DDX24: variants seen among roughly 807,000 people sequenced by gnomAD.
DDX24 encodes the protein ATP-dependent RNA helicase DDX24.
A neutral mutation model predicts 68.9 loss-of-function variants in DDX24; 24 were observed. The observed-to-expected ratio is 0.35, with a 90% CI of 0.25 to 0.49. The LOEUF (loss-of-function observed/expected upper bound fraction) is 0.49. Ranked by LOEUF, DDX24 falls within the 20% of genes least tolerant of loss-of-function variation. DDX24 has a pLI of 0.99. For missense variants in DDX24, 989 were observed against 1,039.0 expected, an observed-to-expected ratio of 0.95 and a Z score of 0.66; for synonymous variants, 395 against 385.2, an observed-to-expected ratio of 1.03 and a Z score of -0.30.
intron 2 of DDX24, among the ~76,000 whole-genome samples, chr14:94,068,293 T>C (rs901978047): frequency 1.9e-4 from 29 of 152,208 alleles, no homozygotes; most frequent in Non-Finnish European, 4.1e-4. Flanking sequence ...GTAAAAGGCC[T>C]TGTCCAACAG....
At chr14:94,072,627 C>T (rs1351723766) in intron 2 of DDX24, among the ~76,000 whole-genome samples, 3 of 152,156 alleles carry the variant, frequency 2.0e-5, no homozygotes, top group African/African-American at 7.2e-5. Flanking sequence ...TTCAGGAGTT[C>T]AAGACCAACC....
At chr14:94,054,130 C>G (rs1885446960) in intron 7 of DDX24, among the ~76,000 whole-genome samples, 1 of 152,290 alleles carries the variant, frequency 6.6e-6, no homozygotes, top group Admixed American at 6.5e-5. Context: ...TCAACTCTCC[C>G]TCTAGAGGGT....
At chr14:94,070,732 C>A (rs1460525321) in intron 2 of DDX24, among the ~76,000 whole-genome samples, 1 of 152,168 alleles carries the variant, frequency 6.6e-6, no homozygotes, top group Non-Finnish European at 1.5e-5. Flanking sequence ...TGATCTTCAA[C>A]AAAGCAAACA....
intron 2 of DDX24, among the ~76,000 whole-genome samples, chr14:94,067,648 C>T (rs994998560): frequency 1.3e-5 from 2 of 152,268 alleles, no homozygotes; most frequent in East Asian, 3.9e-4. Flanking sequence ...CAGGAGAAAC[C>T]CTACAAGCTA....
chr14:94,074,670 C>T (rs542409854), intron 2 of DDX24, among the ~76,000 whole-genome samples: 2 of 152,254 alleles, frequency 1.3e-5, no homozygotes, highest in Non-Finnish European at 2.9e-5. Context: ...AGCAATAATG[C>T]CCACTTTACC....
At position 94,079,290 on chromosome 14, in the gene DDX24, A is replaced by G. The variant is rs1886007358; in HGVS notation, c.453T>C (p.Ala151=). 1.2e-6 allele frequency: 2 copies of G among 1,613,614 alleles called. 1 individual carries two copies. The highest frequency in any genetic ancestry group is 1.7e-6 in the Non-Finnish European group (2 of 1,179,944). Residue 151 remains alanine, a synonymous_variant, in exon 2 of 9, where the codon GCT becomes GCC. Transcript: ENST00000621632. ...EMTSENLVQT[A]PKKKKNKGKK... ...TCCCTTTATTTTTCTTCTTTTTTGG[A>G]GCAGTTTGGACCAGGTTTTCTGATG...
intron 2 of DDX24, among the ~76,000 whole-genome samples, chr14:94,076,158 T>C (rs1885934738): frequency 6.6e-6 from 1 of 152,208 alleles, no homozygotes; most frequent in Admixed American, 6.5e-5. Context: ...GGTACAATAG[T>C]ATTTACAATA....
At chr14:94,069,720 T>C (rs1325828253) in intron 2 of DDX24, among the ~76,000 whole-genome samples, 1 of 152,192 alleles carries the variant, frequency 6.6e-6, no homozygotes, top group Admixed American at 6.5e-5. Context: ...TGCAAGTCAA[T>C]AAATGTGGTA....
Position 94,060,313 on chromosome 14 carries a change from G to A in DDX24, c.1698C>T (p.Thr566=), listed in dbSNP as rs759711208. 48 of 1,614,058 alleles carry A rather than the reference G, an allele frequency of 3.0e-5. No homozygotes were observed. Among genetic ancestry groups the A allele is most frequent in the Non-Finnish European group, 4.1e-5 (48 of 1,180,040 alleles). Residue 566 remains threonine (T), a synonymous_variant, in exon 5 of 9, where the codon ACC becomes ACT. Coordinates refer to ENST00000621632, the MANE Select transcript of DDX24 (RefSeq NM_020414.4). ...NEATVETLTE[T]KIHCETDEKD... ...TCTCATCAGTCTCACAATGGATCTT[G>A]GTCTCTGTTAGCGTCTCCACCGTGG...
chr14:94,062,320 C>T lies in DDX24; in HGVS notation c.1020G>A (p.Gly340=). The change falls in exon 3 of 9, where the codon GGG becomes GGA. Residue 340 remains glycine, a synonymous_variant. Coordinates refer to ENST00000621632, the MANE Select transcript of DDX24 (RefSeq NM_020414.4). ...LLFGDDDAGE[G]PSSLIREKPV... ...GTTTCTCCCTGATCAGGGAAGAAGG[C>T]CCTTCACCAGCATCATCGTCACCAA... The T allele has an allele frequency of 6.2e-7, 1 of 1,614,232 alleles. No homozygotes were observed. The highest frequency in any genetic ancestry group is 1.7e-5 in the Admixed American group (1 of 60,034).
rs1282800584 is a variant in DDX24, at chr14:94,050,994, A to C, written c.*197T>G. ...GCCTATAAACACTGCAATACAGAAA[A>C]ATTAAGCTGCTGCATTGAATTCTTA... is the stretch of plus-strand genomic sequence containing the variant. On this transcript the variant is annotated 3_prime_UTR_variant, in exon 9 of 9. Transcript: ENST00000621632. 4.0e-6 allele frequency: 2 copies of C among 500,596 alleles called. No individual in the cohort carries two copies. Among genetic ancestry groups the C allele is most frequent in the Non-Finnish European group, 3.3e-6 (1 of 302,786 alleles). The allele number at this position is 500,596 out of a possible 1,614,324, so 31.0% of individuals were successfully genotyped here.
intron 2 of DDX24, among the ~76,000 whole-genome samples, chr14:94,071,644 T>G (rs1318389264): frequency 1.9e-4 from 26 of 137,236 alleles, no homozygotes; most frequent in Admixed American, 1.0e-3. Flanking sequence ...AGTGAGCCTT[T>G]GACTTAAAAA....
intron 1 of DDX24, among the ~76,000 whole-genome samples, chr14:94,079,954 A>G (rs759239881): frequency 1.2e-4 from 18 of 152,152 alleles, no homozygotes; most frequent in South Asian, 6.2e-4. Flanking sequence ...GTGATGGAAC[A>G]AAGACATATG....
At chr14:94,070,200 G>A (rs1250223835) in intron 2 of DDX24, among the ~76,000 whole-genome samples, 1 of 152,028 alleles carries the variant, frequency 6.6e-6, no homozygotes, top group African/African-American at 2.4e-5. Flanking sequence ...CAAATCAGTA[G>A]CTCTTTTATA....
At chr14:94,054,897 A>G in intron 7 of DDX24, 99 bp downstream of exon 7, 1 of 1,328,304 alleles carries the variant, frequency 7.5e-7, no homozygotes, top group Non-Finnish European at 1.1e-6. Flanking sequence ...ACCATTCCTT[A>G]GTTTTCAAGG....
Position 94,079,391 on chromosome 14 carries a change from A to G in DDX24, c.352T>C (p.Phe118Leu). 6.2e-7 allele frequency: 1 copy of G among 1,613,772 alleles called. No homozygotes were observed. The highest frequency in any genetic ancestry group is 1.1e-5 in the South Asian group (1 of 91,066). The change falls in exon 2 of 9, where the codon TTT (phenylalanine) becomes CTT (leucine). Residue 118 changes from phenylalanine to leucine, a missense_variant. By Grantham distance (22) the Phe-to-Leu change is conservative. Transcript: ENST00000621632. ...ATEGTSTQKEFEVKDPELEAQ... is the reference protein window; with the variant it reads ...ATEGTSTQKELEVKDPELEAQ... The stretch of plus-strand genomic sequence containing the variant: ...TCCAGCTCAGGATCTTTCACTTCAA[A>G]TTCTTTCTGGGTACTGGTTCCTTCA...
At chr14:94,074,968 T>C (rs1885907849) in intron 2 of DDX24, among the ~76,000 whole-genome samples, 1 of 152,088 alleles carries the variant, frequency 6.6e-6, no homozygotes, top group African/African-American at 2.4e-5. Context: ...ATGTGAAAAA[T>C]CTATATACTG....
chr14:94,062,228 T>C lies in DDX24; in HGVS notation c.1112A>G (p.Gln371Arg). ...GGTGGCGCTTTTGTCATCCAACTCC[T>C]GTTTTAGATTTCCAGTCTGCTCTTT... ...LDKEQTGNLKQELDDKSATCK... is the reference protein window; with the variant it reads ...LDKEQTGNLKRELDDKSATCK... Residue 371 changes from glutamine (Q) to arginine (R), a missense_variant, in exon 3 of 9, where the codon CAG (glutamine) becomes CGG (arginine). By Grantham distance (43) the Gln-to-Arg change is conservative. Transcript: ENST00000621632. 1 of 1,614,188 alleles carries C rather than the reference T, an allele frequency of 6.2e-7. No homozygotes were observed. The highest frequency in any genetic ancestry group is 8.5e-7 in the Non-Finnish European group (1 of 1,180,034).
At chr14:94,052,870 T>G in intron 8 of DDX24, 128 bp downstream of exon 8, 2 of 1,340,642 alleles carry the variant, frequency 1.5e-6, no homozygotes, top group South Asian at 2.9e-5. Context: ...CCAGGGCCTG[T>G]TAGCAAAGAG....
Sources: gnomAD v4.1 joint callset for allele counts (sites outside exome capture counted in the v4.1 genomes callset) on GRCh38, gnomAD v4.1.1 for gene constraint, MANE v1.5 for transcripts, NCBI Gene and HGNC (gene_info 2026-07-23, HGNC 2026-07-21) for gene names.